The following SDK1 variants were observed in gnomAD, a reference collection of about 807,000 sequenced individuals.
SDK1 encodes the protein sidekick cell adhesion molecule 1.
In SDK1, 157 loss-of-function variants were observed where a neutral mutation model predicts 245.5. The ratio of observed to expected loss-of-function variants is 0.64; its 90% CI spans 0.56 to 0.73. SDK1 has a LOEUF of 0.73. Ranked by LOEUF, SDK1 falls within the 30% of genes least tolerant of loss-of-function variation. The probability of loss-of-function intolerance (pLI) is 0.00; values close to 1 mark genes in which losing one functional copy is unlikely to be tolerated. For missense variants in SDK1, 3,583 were observed against 3,002.3 expected (o/e 1.19, Z -4.52); for synonymous variants, 1,647 against 1,278.5 (o/e 1.29, Z -6.15).
intron 4 of SDK1, among the ~76,000 whole-genome samples, chr7:3,814,544 T>C (rs12540220): frequency 0.32 from 48,539 of 150,842 alleles, 8,366 homozygotes; most frequent in Middle Eastern, 0.46. Context: ...AGTCAGGTAG[T>C]GTGATGCCTC....
intron 1 of SDK1, among the ~76,000 whole-genome samples, chr7:3,341,618 G>A (rs1780350839): frequency 6.6e-6 from 1 of 151,976 alleles, no homozygotes; most frequent in South Asian, 2.1e-4. Context: ...GCTGCATACA[G>A]GATCAACACA....
At chr7:4,206,861 C>T (rs1784254061) in intron 36 of SDK1, among the ~76,000 whole-genome samples, 1 of 152,130 alleles carries the variant, frequency 6.6e-6, no homozygotes, top group Non-Finnish European at 1.5e-5. Context: ...ATTAAATGTC[C>T]ATTTAAAGAT....
intron 5 of SDK1, among the ~76,000 whole-genome samples, chr7:3,947,377 C>G (rs1780619807): frequency 6.6e-6 from 1 of 152,068 alleles, no homozygotes; most frequent in Non-Finnish European, 1.5e-5. Flanking sequence ...TGGATTAATT[C>G]TAAAGTTGAA....
At chr7:3,775,435 T>A (rs950717683) in intron 4 of SDK1, among the ~76,000 whole-genome samples, 12 of 152,022 alleles carry the variant, frequency 7.9e-5, no homozygotes, top group Admixed American at 6.6e-4. Context: ...TATTTTATTT[T>A]TTTTTTTCTA....
intron 1 of SDK1, among the ~76,000 whole-genome samples, chr7:3,444,009 A>G (rs759768418): frequency 9.9e-5 from 15 of 152,246 alleles, no homozygotes; most frequent in Non-Finnish European, 1.8e-4. Flanking sequence ...GAGAAGAAGC[A>G]AAAGGATTCA....
chr7:3,714,607 T>C (rs191750425), intron 4 of SDK1, among the ~76,000 whole-genome samples: 1 of 152,338 alleles, frequency 6.6e-6, no homozygotes, highest in Admixed American at 6.5e-5. Context: ...CATCTGAAAA[T>C]GGTCCTGAGG....
At chr7:3,628,043 G>C (rs766906811) in intron 2 of SDK1, among the ~76,000 whole-genome samples, 1 of 152,062 alleles carries the variant, frequency 6.6e-6, no homozygotes, top group Admixed American at 6.5e-5. Flanking sequence ...TTGCAGCTCC[G>C]TCTGCTTGGA....
chr7:3,677,240 T>G (rs1217348399), intron 4 of SDK1, among the ~76,000 whole-genome samples: 1 of 152,146 alleles, frequency 6.6e-6, no homozygotes, highest in Non-Finnish European at 1.5e-5. Context: ...GTGTACACTA[T>G]TTTTATTTAA....
At chr7:3,317,712 T>G (rs6955831) in intron 1 of SDK1, among the ~76,000 whole-genome samples, 28,636 of 152,154 alleles carry the variant, frequency 0.19, 2,713 homozygotes, top group African/African-American at 0.23. Flanking sequence ...GGTTCATGTT[T>G]AGGATATGAG....
rs1195355839 is a variant in SDK1 at position 4,042,101 on chromosome 7, C to T, written c.2603-7247C>T. On this transcript the variant is annotated intron_variant, in intron 17 of 44. Coordinates refer to ENST00000404826, the MANE Select transcript of SDK1 (RefSeq NM_152744.4). ...TGCTGGGATTACAGGCATGAACCAC[C>T]GTGCCCGGCCAACAGTTGCAAATGT... is the stretch of plus-strand genomic sequence containing the variant. 5.1e-5 allele frequency among the ~76,000 whole-genome samples: 7 copies of T among 136,570 alleles called. 2 individuals carry two copies. Among genetic ancestry groups the T allele is most frequent in the African/African-American group, 1.0e-4 (3 of 29,844 alleles). 89.6% of individuals were successfully genotyped at this position (136,570 alleles called of 152,430 possible).
chr7:4,178,340 A>C, intron 34 of SDK1, 145 bp from the exon 35 acceptor site: 1 of 691,616 alleles, frequency 1.4e-6, no homozygotes, highest in Non-Finnish European at 2.6e-6. Context: ...GTCACAGTGG[A>C]TGCAGGTATT....
chr7:4,180,297 TGTGCCTGGCTCCAGCTCTATGCCCA>T (rs1782521133), intron 35 of SDK1, among the ~76,000 whole-genome samples: 1 of 108,278 alleles, frequency 9.2e-6, no homozygotes, highest in Admixed American at 1.1e-4. Flanking sequence ...CTCTATGCCC[TGTGCCTGGCTCCAGCTCTATGCCCA>T]GTGCCCGGCT....
intron 1 of SDK1, among the ~76,000 whole-genome samples, chr7:3,481,893 T>G (rs1781533414): frequency 2.0e-5 from 3 of 152,218 alleles, no homozygotes; most frequent in Admixed American, 2.0e-4. Flanking sequence ...GCCAGGACTC[T>G]GACTGATACA....
intron 4 of SDK1, among the ~76,000 whole-genome samples, chr7:3,659,582 C>T (rs773803584): frequency 2.6e-5 from 4 of 152,028 alleles, no homozygotes; most frequent in South Asian, 2.1e-4. Flanking sequence ...AAAGTGACGT[C>T]GGCAGGGACT....
In SDK1 at chr7:4,022,360, G is replaced by T. The variant is rs529649254; in HGVS notation, c.2602+5008G>T. 5.3e-5 allele frequency among the ~76,000 whole-genome samples: 8 copies of T among 152,298 alleles called. 1 individual carries two copies. In the South Asian group the frequency reaches 1.7e-3, roughly 32 times the overall value. On this transcript the variant is annotated intron_variant, in intron 17 of 44. Transcript: ENST00000404826. ...GGCAGCTTGAGGTATCCGGGGAAAT[G>T]AGATGTAATTCATCTTGACTTTAAT...
At chr7:3,908,461 C>A (rs1186501211) in intron 5 of SDK1, among the ~76,000 whole-genome samples, 1 of 152,172 alleles carries the variant, frequency 6.6e-6, no homozygotes, top group Non-Finnish European at 1.5e-5. Flanking sequence ...GTCCACTCAG[C>A]GGTCCACTCA....
chr7:4,005,132 A>G (rs911621790), intron 14 of SDK1, among the ~76,000 whole-genome samples: 3 of 133,978 alleles, frequency 2.2e-5, no homozygotes, highest in Non-Finnish European at 3.0e-5. Flanking sequence ...TGCAACCTCC[A>G]TCTCCTGGGT....
At chr7:4,061,745 A>G (rs1779554107) in intron 19 of SDK1, among the ~76,000 whole-genome samples, 1 of 152,092 alleles carries the variant, frequency 6.6e-6, no homozygotes, top group African/African-American at 2.4e-5. Flanking sequence ...ATGTCCAACA[A>G]TGATAGACTG....
chr7:3,777,784 G>A (rs370500403), intron 4 of SDK1, among the ~76,000 whole-genome samples: 4 of 152,174 alleles, frequency 2.6e-5, no homozygotes, highest in East Asian at 3.9e-4. Context: ...CACTGCACAT[G>A]TATATATTAC....
Sources: allele counts gnomAD v4.1 joint callset (sites outside exome capture counted in the v4.1 genomes callset), GRCh38; gene constraint gnomAD v4.1.1; transcripts MANE v1.5; gene names NCBI Gene and HGNC (gene_info 2026-07-23, HGNC 2026-07-21).